The following PHACTR2 variants were observed in gnomAD, a reference collection of about 807,000 sequenced individuals.
PHACTR2 encodes the protein chromosome 6 open reading frame 56.
In PHACTR2, 30 loss-of-function variants were observed where a neutral mutation model predicts 76.0. The observed-to-expected ratio is 0.39, with a 90% CI of 0.30 to 0.54. PHACTR2 has a LOEUF of 0.54. Among genes scored for constraint, PHACTR2 ranks in the 20% least tolerant of loss-of-function variants. The pLI is 0.61. For synonymous variants in PHACTR2, 292 were observed against 292.5 expected (o/e 1.00, Z 0.02); for missense variants, 696 against 781.1 (o/e 0.89, Z 1.30).
At chr6:143,792,456 T>C (rs1775712951) in intron 11 of PHACTR2, among the ~76,000 whole-genome samples, 1 of 152,098 alleles carries the variant, frequency 6.6e-6, no homozygotes, top group African/African-American at 2.4e-5. Context: ...TCTCATTTAG[T>C]GGCTCCTAGT....
chr6:143,661,424 A>T (rs1306397946), intron 1 of PHACTR2, among the ~76,000 whole-genome samples: 1 of 152,138 alleles, frequency 6.6e-6, no homozygotes, highest in Non-Finnish European at 1.5e-5. Flanking sequence ...AGCAAAACAA[A>T]ATCTAGAGCA....
At chr6:143,629,791 C>T in intron 1 of PHACTR2, among the ~76,000 whole-genome samples, 1 of 152,068 alleles carries the variant, frequency 6.6e-6, no homozygotes, top group Non-Finnish European at 1.5e-5. Context: ...GAATGTCAAG[C>T]CCTGAGATAA....
At chr6:143,667,448 C>T (rs1777059066) in intron 1 of PHACTR2, among the ~76,000 whole-genome samples, 1 of 152,178 alleles carries the variant, frequency 6.6e-6, no homozygotes, top group South Asian at 2.1e-4. Context: ...AGCATTGAAT[C>T]TATAAATTAC....
At chr6:143,778,473 CTT>C (rs35759832) in intron 9 of PHACTR2, among the ~76,000 whole-genome samples, 7 of 144,110 alleles carry the variant, frequency 4.9e-5, no homozygotes, top group Admixed American at 6.9e-5. Context: ...TTTTTTCTGG[CTT>C]TTTTTTTTTT....
rs1334273186 is a variant in PHACTR2, at chr6:143,591,377, T to C, written c.217+54170T>C. 6.6e-6 allele frequency among the ~76,000 whole-genome samples: 1 copy of C among 152,158 alleles called. No homozygotes were observed. Among genetic ancestry groups the C allele is most frequent in the African/African-American group, 2.4e-5 (1 of 41,418 alleles). ...GCATGTTGAGAAAGAAAGAGAAACT[T>C]CCTGTTTTTTTCTAGGTGTTCCAGG... On this transcript the variant is annotated intron_variant, in intron 1 of 11. Transcript: ENST00000367584. This position sits in a 1 kb window ranked among gnomAD's most constrained non-coding sequence, Gnocchi z 6.4.
Position 143,772,189 on chromosome 6 carries a change from C to A in PHACTR2, c.1233-69C>A. The A allele has an allele frequency of 9.1e-7, 1 of 1,099,402 alleles. No homozygotes were observed. Among genetic ancestry groups the A allele is most frequent in the Non-Finnish European group, 1.4e-6 (1 of 716,322 alleles). The allele number at this position is 1,099,402 out of a possible 1,614,324, so 68.1% of individuals were successfully genotyped here. A position where few individuals can be genotyped will look rare whatever the true frequency, so the allele number is the denominator to read the frequency against. Reference sequence around the variant, plus strand: ...AGCCCATGAAACTAGAGCTCTTTTTCTTAGTGTCAGTGCCGCCAAGGGTTG... The same window carrying A: ...AGCCCATGAAACTAGAGCTCTTTTTATTAGTGTCAGTGCCGCCAAGGGTTG... On this transcript the variant is annotated intron_variant, in intron 6 of 12. Coordinates refer to ENST00000440869, the MANE Select transcript of PHACTR2 (RefSeq NM_001100164.2). This position sits in a 1 kb window ranked among gnomAD's most constrained non-coding sequence, Gnocchi z 5.4.
rs1776366662 is a variant in PHACTR2, at chr6:143,819,434, T to C, written c.1923-4240T>C. ...AAACAAAACCAATAAGATATATGTA[T>C]ATAGATATATGAGAGGGGATTTATT... On this transcript the variant is annotated intron_variant, in intron 12 of 12. Coordinates refer to ENST00000440869, the MANE Select transcript of PHACTR2 (RefSeq NM_001100164.2). The surrounding 1 kb of genome is among the most constrained non-coding windows in gnomAD (Gnocchi z 5.0). 6.6e-6 allele frequency among the ~76,000 whole-genome samples: 1 copy of C among 152,152 alleles called. No individual in the cohort carries two copies. The highest frequency in any genetic ancestry group is 2.4e-5 in the African/African-American group (1 of 41,432).
In PHACTR2 at chr6:143,772,491, G is replaced by T; in HGVS notation, c.1432+34G>T. On this transcript the variant is annotated intron_variant, in intron 7 of 12. Coordinates refer to ENST00000440869, the MANE Select transcript of PHACTR2 (RefSeq NM_001100164.2). This position sits in a 1 kb window ranked among gnomAD's most constrained non-coding sequence, Gnocchi z 5.4. ...GTTTTCAAGAGGCAGGGAGGAGCGT[G>T]GGTGATAAGCAGAAGCAGCTGCAGT... is the stretch of plus-strand genomic sequence containing the variant. The T allele has an allele frequency of 6.6e-7, 1 of 1,512,260 alleles. No individual in the cohort carries two copies. The highest frequency in any genetic ancestry group is 9.1e-7 in the Non-Finnish European group (1 of 1,093,374). The allele number at this position is 1,512,260 out of a possible 1,614,324, so 93.7% of individuals were successfully genotyped here.
At chr6:143,770,619 A>G (rs904089904) in intron 6 of PHACTR2, among the ~76,000 whole-genome samples, 18 of 152,180 alleles carry the variant, frequency 1.2e-4, no homozygotes, top group African/African-American at 4.3e-4. Flanking sequence ...GACAGTGATC[A>G]CTCAGGTTTA....
chr6:143,771,188 ATG>A (rs1206917465), intron 6 of PHACTR2, among the ~76,000 whole-genome samples: 8 of 16,308 alleles, frequency 4.9e-4, no homozygotes, highest in African/African-American at 1.6e-3. Flanking sequence ...ATATATATAT[ATG>A]TGTGTATATA....
At chr6:143,734,369 A>G (rs1278193352) in intron 2 of PHACTR2, among the ~76,000 whole-genome samples, 1 of 152,182 alleles carries the variant, frequency 6.6e-6, no homozygotes, top group Non-Finnish European at 1.5e-5. Flanking sequence ...TACATTCTGG[A>G]AAAAGTGGGA....
At position 143,755,505 on chromosome 6, in the gene PHACTR2, C is replaced by A. The variant is rs879440152; in HGVS notation, c.454+1593C>A. Reference sequence around the variant, plus strand: ...TCCTGACAGTTTTATATGAATTAACCAACAGACCTTGATGTTCTTGAAAGA... The same window carrying A: ...TCCTGACAGTTTTATATGAATTAACAAACAGACCTTGATGTTCTTGAAAGA... On this transcript the variant is annotated intron_variant, in intron 4 of 12. Transcript: ENST00000440869. This position sits in a 1 kb window ranked among gnomAD's most constrained non-coding sequence, Gnocchi z 5.2. 33 of 371,426 alleles carry A rather than the reference C, an allele frequency of 8.9e-5. No individual in the cohort carries two copies. The highest frequency in any genetic ancestry group is 1.4e-4 in the Non-Finnish European group (26 of 187,532). 23.0% of individuals were successfully genotyped at this position (371,426 alleles called of 1,614,324 possible). A position where few individuals can be genotyped will look rare whatever the true frequency, so the allele number is the denominator to read the frequency against.
chr6:143,740,413 G>C (rs958065571), intron 2 of PHACTR2, among the ~76,000 whole-genome samples: 1 of 148,604 alleles, frequency 6.7e-6, no homozygotes, highest in Non-Finnish European at 1.5e-5. Context: ...TAGCCTCCTT[G>C]TACCCAGCCT....
chr6:143,821,082 GC>G lies in PHACTR2; in HGVS notation c.1923-2591del, dbSNP rs1403990446. On this transcript the variant is annotated intron_variant, in intron 12 of 12. Coordinates refer to ENST00000440869, the MANE Select transcript of PHACTR2 (RefSeq NM_001100164.2). The surrounding 1 kb of genome is among the most constrained non-coding windows in gnomAD (Gnocchi z 5.2). ...GAACAATGTCCTGAGGCTGCACGAG[GC>G]AGCAGGGCCCTTGACCTGGCCCTCG... Among the ~76,000 whole-genome samples the G allele has an allele frequency of 2.0e-5, 3 of 152,368 alleles. No individual in the cohort carries two copies. The highest frequency in any genetic ancestry group is 2.0e-4 in the Admixed American group (3 of 15,310).
Position 143,653,152 on chromosome 6 carries a change from C to A in PHACTR2, c.13+44830C>A, listed in dbSNP as rs544387003. Among the ~76,000 whole-genome samples the A allele has an allele frequency of 4.6e-5, 7 of 152,278 alleles. No individual in the cohort carries two copies. The highest frequency in any genetic ancestry group is 1.7e-4 in the African/African-American group (7 of 41,538). On this transcript the variant is annotated intron_variant, in intron 1 of 11. Transcript: ENST00000305766. This position sits in a 1 kb window ranked among gnomAD's most constrained non-coding sequence, Gnocchi z 4.9. ...CTCAGAAGTAATCCTAATCATTGAA[C>A]TTTGGCCCTCTGGAAACAAGGCCAG...
At chr6:143,675,624 G>T (rs1445806858), upstream of PHACTR2, among the ~76,000 whole-genome samples, 2 of 152,120 alleles carry the variant, frequency 1.3e-5, no homozygotes, top group East Asian at 1.9e-4. The surrounding 1 kb of genome is among the most constrained non-coding windows in gnomAD (Gnocchi z 4.9). Context: ...GAGAACAAAG[G>T]GTGGGACCAA....
chr6:143,648,016 C>G lies in PHACTR2; in HGVS notation c.13+39694C>G, dbSNP rs1334571583. Among the ~76,000 whole-genome samples, 6 of 152,156 alleles carry G rather than the reference C, an allele frequency of 3.9e-5. No individual in the cohort carries two copies. Among genetic ancestry groups the G allele is most frequent in the Admixed American group, 3.9e-4 (6 of 15,272 alleles). On this transcript the variant is annotated intron_variant, in intron 1 of 11. Transcript: ENST00000305766. The surrounding 1 kb of genome is among the most constrained non-coding windows in gnomAD (Gnocchi z 6.7). ...TGGAAATAAGGGAAGCAGGTAGGAT[C>G]CTGCCGTGACCCGAGAGAGATGTAT...
chr6:143,780,325 T>C lies in PHACTR2; in HGVS notation c.1646-2894T>C, dbSNP rs1775396956. ...CTTTTTCATTTGCTAAAAACACCCA[T>C]ATGAGGCCAGGTAAGGTGGCTTATG... On this transcript the variant is annotated intron_variant, in intron 9 of 12. Transcript: ENST00000440869. This position sits in a 1 kb window ranked among gnomAD's most constrained non-coding sequence, Gnocchi z 4.4. Among the ~76,000 whole-genome samples, 1 of 152,126 alleles carries C rather than the reference T, an allele frequency of 6.6e-6. No individual in the cohort carries two copies. Among genetic ancestry groups the C allele is most frequent in the Non-Finnish European group, 1.5e-5 (1 of 68,022 alleles).
rs578016377 is a variant in PHACTR2, at chr6:143,553,012, G to C, written c.217+15805G>C. 6.6e-6 allele frequency among the ~76,000 whole-genome samples: 1 copy of C among 152,026 alleles called. No individual in the cohort carries two copies. The highest frequency in any genetic ancestry group is 1.5e-5 in the Non-Finnish European group (1 of 68,036). On this transcript the variant is annotated intron_variant, in intron 1 of 11. Transcript: ENST00000367584. The surrounding 1 kb of genome is among the most constrained non-coding windows in gnomAD (Gnocchi z 4.2). ...TGTCCAGCTGCCTGTCACTTGCCAGGTATTTAAGGAGTGAAATGAGCAATG... is the reference window on the plus strand; with the variant it reads ...TGTCCAGCTGCCTGTCACTTGCCAGCTATTTAAGGAGTGAAATGAGCAATG...
Sources: allele counts gnomAD v4.1 joint callset (sites outside exome capture counted in the v4.1 genomes callset), GRCh38; gene constraint gnomAD v4.1.1; non-coding constraint Gnocchi (gnomAD v3.1); transcripts MANE v1.5; gene names NCBI Gene and HGNC (gene_info 2026-07-23, HGNC 2026-07-21).